Variants in ZDHHC1 observed in about 807,000 individuals in gnomAD.
ZDHHC1 encodes zDHHC palmitoyltransferase 1, also known as palmitoyltransferase ZDHHC1.
In ZDHHC1, 45 loss-of-function variants were observed where a neutral mutation model predicts 46.9. That is an observed-to-expected ratio of 0.96 (90% CI 0.76 to 1.23). The LOEUF is 1.23. ZDHHC1 is among the 50% of genes most tolerant of loss of function. The pLI is 0.00. For missense variants in ZDHHC1, 649 were observed against 670.8 expected, an observed-to-expected ratio of 0.97 and a Z score of 0.36; for synonymous variants, 291 against 286.0, an observed-to-expected ratio of 1.02 and a Z score of -0.18.
chr16:67,397,220 C>T (rs547802500), intron 8 of ZDHHC1, among the ~76,000 whole-genome samples: 96 of 152,366 alleles, frequency 6.3e-4, no homozygotes, highest in African/African-American at 2.1e-3. Context: ...AAAGAGCCCG[C>T]CCTGCTTCAG....
chr16:67,413,705 C>T (rs550067422), intron 1 of ZDHHC1, among the ~76,000 whole-genome samples: 39 of 152,144 alleles, frequency 2.6e-4, no homozygotes, highest in Middle Eastern at 6.8e-3. Context: ...TTTGGGAAGC[C>T]GAGGCGGGCA....
At chr16:67,398,368 CTG>C (rs2040475370) in intron 7 of ZDHHC1, 44 bp from the exon 8 acceptor site, 2 of 1,586,898 alleles carry the variant, frequency 1.3e-6, no homozygotes, top group Admixed American at 1.7e-5. Context: ...AAGGGGGACT[CTG>C]GAGCTCAGAA....
In ZDHHC1 at chr16:67,400,939, G is replaced by A. The variant is rs577644697; in HGVS notation, c.428+18C>T. The A allele has an allele frequency of 4.3e-6, 7 of 1,610,636 alleles. No individual in the cohort carries two copies. Among genetic ancestry groups the A allele is most frequent in the African/African-American group, 4.0e-5 (3 of 75,004 alleles). On this transcript the variant is annotated intron_variant, in intron 4 of 11. Transcript: ENST00000565726. The stretch of plus-strand genomic sequence containing the variant: ...CCCACAGCACACTCGGCAGCCACAA[G>A]CACCCACACACACTCACACATCCAC...
At chr16:67,415,890 C>T (rs925636816) in intron 1 of ZDHHC1, among the ~76,000 whole-genome samples, 8 of 152,242 alleles carry the variant, frequency 5.3e-5, no homozygotes, top group African/African-American at 9.6e-5. Context: ...CATCCGCTTC[C>T]CAGCCCCCTT....
intron 3 of ZDHHC1, among the ~76,000 whole-genome samples, chr16:67,402,206 T>C (rs1045258045): frequency 2.0e-5 from 3 of 152,254 alleles, no homozygotes; most frequent in African/African-American, 7.2e-5. Context: ...TGTGCCACTC[T>C]ATAGCCTCCC....
chr16:67,410,636 C>T (rs74453343), intron 1 of ZDHHC1, among the ~76,000 whole-genome samples: 4,354 of 146,800 alleles, frequency 0.03, 77 homozygotes, highest in Middle Eastern at 0.11. Context: ...GGTTAGGCTA[C>T]CTTAATTAAT....
intron 1 of ZDHHC1, 95 bp downstream of exon 1, chr16:67,416,076 G>A (rs1021107925): frequency 6.6e-6 from 1 of 152,272 alleles, no homozygotes; most frequent in African/African-American, 2.4e-5. Flanking sequence ...CCGGCTCCAG[G>A]CGGAAGCGAG....
rs2040411355 is a variant in ZDHHC1, at chr16:67,395,475, T to C, written c.1010+9A>G. 1.3e-6 allele frequency: 2 copies of C among 1,551,968 alleles called. No homozygotes were observed. The highest frequency in any genetic ancestry group is 1.2e-5 in the South Asian group (1 of 84,126). ...GATGCCCAGTGGCACATGCCCAGGT[T>C]GCACTCACTTGGCATTCACTGCTGC... is the stretch of plus-strand genomic sequence containing the variant. On this transcript the variant is annotated intron_variant, in intron 9 of 11. Coordinates refer to ENST00000565726, the MANE Select transcript of ZDHHC1 (RefSeq NM_001323627.2).
chr16:67,398,004 G>A (rs1181129760), intron 8 of ZDHHC1, among the ~76,000 whole-genome samples: 1 of 152,196 alleles, frequency 6.6e-6, no homozygotes, highest in African/African-American at 2.4e-5. Flanking sequence ...CTGGGCAGGT[G>A]TGTACGTGGG....
At chr16:67,409,536 G>A (rs548858512) in intron 1 of ZDHHC1, among the ~76,000 whole-genome samples, 9 of 152,300 alleles carry the variant, frequency 5.9e-5, no homozygotes, top group Admixed American at 1.3e-4. Context: ...CTTCACTGAC[G>A]ACATTTTCTC....
Position 67,400,940 on chromosome 16 carries a change from C to A in ZDHHC1, c.428+17G>T, listed in dbSNP as rs2040539580. ...CCACAGCACACTCGGCAGCCACAAGCACCCACACACACTCACACATCCACG... is the reference window on the plus strand; with the variant it reads ...CCACAGCACACTCGGCAGCCACAAGAACCCACACACACTCACACATCCACG... On this transcript the variant is annotated intron_variant, in intron 4 of 11. Transcript: ENST00000565726. The A allele has an allele frequency of 6.2e-7, 1 of 1,611,330 alleles. No individual in the cohort carries two copies. Among genetic ancestry groups the A allele is most frequent in the Admixed American group, 1.7e-5 (1 of 59,948 alleles).
Position 67,398,264 on chromosome 16 carries a change from T to C in ZDHHC1, c.875A>G (p.Lys292Arg), listed in dbSNP as rs764999193. Reference protein sequence around the residue: ...IVQHRPPQEAKGVHRELESCP... With the variant: ...IVQHRPPQEARGVHRELESCP... ...TGACTCGAGCTCCCTGTGAACCCCC[T>C]TGGCCTCCTGTGGTGGGCGGTGCTG... is the stretch of plus-strand genomic sequence containing the variant. Residue 292 changes from lysine (K) to arginine (R), a missense_variant, in exon 8 of 12, where the codon AAG becomes AGG. Lys to Arg is a conservative substitution (Grantham distance 26). Coordinates refer to ENST00000565726, the MANE Select transcript of ZDHHC1 (RefSeq NM_001323627.2). The C allele has an allele frequency of 1.2e-6, 2 of 1,613,664 alleles. No individual in the cohort carries two copies. Among genetic ancestry groups the C allele is most frequent in the Admixed American group, 3.3e-5 (2 of 59,970 alleles).
intron 3 of ZDHHC1, among the ~76,000 whole-genome samples, chr16:67,402,525 T>C (rs1304540707): frequency 6.6e-6 from 1 of 152,220 alleles, no homozygotes; most frequent in Admixed American, 6.5e-5. Context: ...GGGTCATTCA[T>C]TCAGCTGTCT....
At chr16:67,400,127 G>A (rs1254116819) in intron 4 of ZDHHC1, among the ~76,000 whole-genome samples, 2 of 152,208 alleles carry the variant, frequency 1.3e-5, no homozygotes, top group Non-Finnish European at 2.9e-5. Context: ...GCAGCTGCTC[G>A]GAAAGTGTGC....
chr16:67,402,979 G>A (rs1567519094), intron 3 of ZDHHC1, among the ~76,000 whole-genome samples: 2 of 152,328 alleles, frequency 1.3e-5, no homozygotes, highest in Non-Finnish European at 1.5e-5. Flanking sequence ...AAGAAAGTTC[G>A]TGGGACTATG....
chr16:67,394,372 C>A lies in ZDHHC1; in HGVS notation c.*238G>T, dbSNP rs745855060. 3.5e-5 allele frequency: 7 copies of A among 202,630 alleles called. No homozygotes were observed. The highest frequency in any genetic ancestry group is 6.5e-5 in the Non-Finnish European group (7 of 107,326). 12.6% of individuals were successfully genotyped at this position (202,630 alleles called of 1,614,324 possible). A position where few individuals can be genotyped will look rare whatever the true frequency, so the allele number is the denominator to read the frequency against. ...CCCCGGTCCACTGGCCAGGGTCGGG[C>A]TTCTGGATGGCCCGTGGCCCCTGCC... On this transcript the variant is annotated 3_prime_UTR_variant, in exon 12 of 12. Transcript: ENST00000565726.
In ZDHHC1 at chr16:67,406,336, G is replaced by A; in HGVS notation, c.116C>T (p.Ser39Phe). 1 of 1,594,936 alleles carries A rather than the reference G, an allele frequency of 6.3e-7. No individual in the cohort carries two copies. The highest frequency in any genetic ancestry group is 1.1e-5 in the South Asian group (1 of 88,138). ...GGGCCAGCTCCACCCATTCCGGCGGGATCGCTGGCCCTGCAGCTCAGGGGA... is the reference window on the plus strand; with the variant it reads ...GGGCCAGCTCCACCCATTCCGGCGGAATCGCTGGCCCTGCAGCTCAGGGGA... ...GPSPELQGQRSRRNGWSWPPH... is the reference protein window; with the variant it reads ...GPSPELQGQRFRRNGWSWPPH... Residue 39 changes from serine (S) to phenylalanine (F), a missense_variant, in exon 3 of 12, where the codon TCC becomes TTC. Transcript: ENST00000565726. The surrounding 1 kb of genome is among the most constrained non-coding windows in gnomAD (Gnocchi z 4.1).
At chr16:67,414,323 A>T (rs1391237503) in intron 1 of ZDHHC1, among the ~76,000 whole-genome samples, 4 of 152,370 alleles carry the variant, frequency 2.6e-5, no homozygotes, top group East Asian at 3.8e-4. Context: ...CTTTTACTGC[A>T]TCTCATGGTG....
chr16:67,395,693 C>A, intron 8 of ZDHHC1, 127 bp from the exon 9 acceptor site: 4 of 934,838 alleles, frequency 4.3e-6, no homozygotes, highest in African/African-American at 1.7e-5. Flanking sequence ...TGCCAGGCTC[C>A]CAGCCATGCT....
Sources: gnomAD v4.1 joint callset for allele counts (sites outside exome capture counted in the v4.1 genomes callset) on GRCh38, gnomAD v4.1.1 for gene constraint, Gnocchi (gnomAD v3.1) non-coding constraint, MANE v1.5 for transcripts, NCBI Gene and HGNC (gene_info 2026-07-23, HGNC 2026-07-21) for gene names.